Variants in CERT1 observed in about 807,000 individuals in gnomAD.
CERT1 encodes ceramide transporter 1.
In CERT1, 31 loss-of-function variants were observed where a neutral mutation model predicts 87.9. The observed-to-expected ratio is 0.35, with a 90% CI of 0.27 to 0.48. The LOEUF (loss-of-function observed/expected upper bound fraction) is 0.48. Ranked by LOEUF, CERT1 falls within the 20% of genes least tolerant of loss-of-function variation. CERT1 has a pLI of 0.99. For missense variants in CERT1, 487 were observed against 758.0 expected (o/e 0.64, Z 4.20); for synonymous variants, 289 against 250.9 (o/e 1.15, Z -1.44).
intron 2 of CERT1, among the ~76,000 whole-genome samples, chr5:75,459,962 C>CAA (rs753591061): frequency 0.027 from 685 of 25,480 alleles, 33 homozygotes; most frequent in African/African-American, 0.062. Flanking sequence ...TCCTCCGTCT[C>CAA]AAAAAAAAAA....
intron 2 of CERT1, among the ~76,000 whole-genome samples, chr5:75,504,737 G>A (rs1767573964): frequency 6.7e-6 from 1 of 149,362 alleles, no homozygotes; most frequent in African/African-American, 2.5e-5. Flanking sequence ...TTAACTGTCT[G>A]GCCTTAGCCA....
intron 11 of CERT1, among the ~76,000 whole-genome samples, chr5:75,393,913 C>T (rs992643686): frequency 1.3e-4 from 19 of 151,704 alleles, no homozygotes; most frequent in Non-Finnish European, 2.4e-4. Context: ...TGCAGTGAGC[C>T]GAGATCGCGC....
Position 75,386,259 on chromosome 5 carries a change from T to C in CERT1, c.1285-225A>G, listed in dbSNP as rs888027754. On this transcript the variant is annotated intron_variant, in intron 12 of 16. Coordinates refer to ENST00000643780, the MANE Select transcript of CERT1 (RefSeq NM_001379029.1). Reference sequence around the variant, plus strand: ...GATAAAAACATGCATATGTGATAAATGACTTATTGTGAGTTGTTTAAAAAT... The same window carrying C: ...GATAAAAACATGCATATGTGATAAACGACTTATTGTGAGTTGTTTAAAAAT... Among the ~76,000 whole-genome samples, 21 of 152,330 alleles carry C rather than the reference T, an allele frequency of 1.4e-4. 1 individual carries two copies. Among genetic ancestry groups the C allele is most frequent in the South Asian group, 2.1e-4 (1 of 4,834 alleles).
At chr5:75,495,079 G>A (rs532608180) in intron 2 of CERT1, among the ~76,000 whole-genome samples, 2 of 152,228 alleles carry the variant, frequency 1.3e-5, no homozygotes, top group South Asian at 4.1e-4. Context: ...GATTCAACTG[G>A]TCATGGCTTC....
intron 3 of CERT1, among the ~76,000 whole-genome samples, chr5:75,449,560 T>C (rs1394372381): frequency 6.6e-6 from 1 of 152,210 alleles, no homozygotes; most frequent in Admixed American, 6.5e-5. Flanking sequence ...AAATTTTCAA[T>C]ATGCATCTGA....
intron 3 of CERT1, among the ~76,000 whole-genome samples, chr5:75,457,350 A>T (rs543750331): frequency 6.3e-4 from 96 of 152,332 alleles, no homozygotes; most frequent in Admixed American, 5.6e-3. Flanking sequence ...ATGGCAGCTG[A>T]GAATAAACAC....
At chr5:75,510,999 C>T (rs984501487) in intron 1 of CERT1, 113 bp downstream of exon 1, 2 of 1,364,538 alleles carry the variant, frequency 1.5e-6, no homozygotes, top group Admixed American at 6.0e-5. Flanking sequence ...AACACTCAGC[C>T]TCGCACCCCG....
rs1761398187 is a variant in CERT1 at position 75,378,094 on chromosome 5, A to C, written c.*1252T>G. 6.6e-6 allele frequency: 1 copy of C among 152,144 alleles called. No homozygotes were observed. Among genetic ancestry groups the C allele is most frequent in the Admixed American group, 6.6e-5 (1 of 15,262 alleles). 9.4% of individuals were successfully genotyped at this position (152,144 alleles called of 1,614,324 possible). A position where few individuals can be genotyped will look rare whatever the true frequency, so the allele number is the denominator to read the frequency against. On this transcript the variant is annotated 3_prime_UTR_variant, in exon 17 of 17. Coordinates refer to ENST00000643780, the MANE Select transcript of CERT1 (RefSeq NM_001379029.1). ...CTGCACCTGGCCACTTTTGGCTTTT[A>C]ATCATGTTAACGTATCACTTACTTT...
intron 9 of CERT1, 96 bp downstream of exon 9, chr5:75,402,876 A>G (rs1762554213): frequency 1.4e-6 from 1 of 705,410 alleles, no homozygotes. Flanking sequence ...TTAAGTTCAC[A>G]ATGTTCAAAT....
chr5:75,476,915 A>G (rs114546647), intron 2 of CERT1, among the ~76,000 whole-genome samples: 4,074 of 151,650 alleles, frequency 0.027, 155 homozygotes, highest in African/African-American at 0.088. Context: ...GAGATGGGGG[A>G]AAAAAAAATC....
chr5:75,471,988 C>T (rs1378201702), intron 2 of CERT1, among the ~76,000 whole-genome samples: 1 of 152,082 alleles, frequency 6.6e-6, no homozygotes, highest in African/African-American at 2.4e-5. Flanking sequence ...GCAAGAAGAA[C>T]AATGCTGGAG....
At chr5:75,425,717 C>T (rs771997771) in intron 4 of CERT1, among the ~76,000 whole-genome samples, 1 of 152,288 alleles carries the variant, frequency 6.6e-6, no homozygotes, top group Admixed American at 6.5e-5. Flanking sequence ...TGATGATAAC[C>T]TCGTGATATC....
chr5:75,381,003 ATTG>A (rs1761558719), intron 16 of CERT1, 66 bp downstream of exon 16: 1 of 1,542,292 alleles, frequency 6.5e-7, no homozygotes, highest in Non-Finnish European at 8.9e-7. Flanking sequence ...ATTTGTCCAA[ATTG>A]TTGTCATATA....
At chr5:75,483,234 T>C (rs1489204201) in intron 2 of CERT1, among the ~76,000 whole-genome samples, 2 of 152,116 alleles carry the variant, frequency 1.3e-5, no homozygotes, top group African/African-American at 4.8e-5. Flanking sequence ...AAAAATCCAA[T>C]TGATAAAATG....
In CERT1 at chr5:75,489,030, G is replaced by A. The variant is rs544416663; in HGVS notation, c.231+16952C>T. ...AAGGCTACAGTAACCAAAACAGCATGGTACTGGTACCAAAACAGATATATA... is the reference window on the plus strand; with the variant it reads ...AAGGCTACAGTAACCAAAACAGCATAGTACTGGTACCAAAACAGATATATA... On this transcript the variant is annotated intron_variant, in intron 2 of 16. Coordinates refer to ENST00000643780, the MANE Select transcript of CERT1 (RefSeq NM_001379029.1). Among the ~76,000 whole-genome samples, 219 of 152,190 alleles carry A rather than the reference G, an allele frequency of 1.4e-3. 1 individual carries two copies. Among genetic ancestry groups the A allele is most frequent in the African/African-American group, 5.2e-3 (215 of 41,510 alleles).
chr5:75,383,152 G>A (rs1303635112), intron 14 of CERT1, among the ~76,000 whole-genome samples: 1 of 152,044 alleles, frequency 6.6e-6, no homozygotes, highest in Non-Finnish European at 1.5e-5. Flanking sequence ...TGTTTGGGGT[G>A]ATGATAAATT....
intron 3 of CERT1, among the ~76,000 whole-genome samples, chr5:75,430,718 A>G (rs1391552945): frequency 6.6e-6 from 1 of 152,152 alleles, no homozygotes; most frequent in Non-Finnish European, 1.5e-5. Flanking sequence ...TGGAATTCTA[A>G]TTACAGCAAT....
intron 2 of CERT1, among the ~76,000 whole-genome samples, chr5:75,464,728 A>G (rs1765389325): frequency 6.6e-6 from 1 of 151,976 alleles, no homozygotes; most frequent in South Asian, 2.1e-4. Flanking sequence ...GATGCATGCC[A>G]CTACACCTGG....
At chr5:75,440,104 G>A (rs1197386533) in intron 3 of CERT1, among the ~76,000 whole-genome samples, 4 of 151,934 alleles carry the variant, frequency 2.6e-5, no homozygotes, top group Non-Finnish European at 4.4e-5. Flanking sequence ...TAAATACCAA[G>A]ACTCAGACTG....
Sources: allele counts gnomAD v4.1 joint callset (sites outside exome capture counted in the v4.1 genomes callset), GRCh38; gene constraint gnomAD v4.1.1; transcripts MANE v1.5; gene names NCBI Gene and HGNC (gene_info 2026-07-23, HGNC 2026-07-21).